The following ARL6IP5 variants were observed in gnomAD, a reference collection of about 807,000 sequenced individuals.
ARL6IP5 encodes the protein PRA1 family protein 3.
A neutral mutation model predicts 13.0 loss-of-function variants in ARL6IP5; 6 were observed. That is an observed-to-expected ratio of 0.46 (90% CI 0.25 to 0.91). The LOEUF is 0.91. ARL6IP5 is among the 40% of genes least tolerant of loss of function. ARL6IP5 has a pLI of 0.17. For missense variants in ARL6IP5, 208 were observed against 248.8 expected (o/e 0.84, Z 1.10); for synonymous variants, 91 against 91.9 (o/e 0.99, Z 0.06).
intron 1 of ARL6IP5, among the ~76,000 whole-genome samples, chr3:69,085,785 GT>G (rs2092245774): frequency 6.6e-6 from 1 of 152,166 alleles, no homozygotes; most frequent in Admixed American, 6.5e-5. Flanking sequence ...CCATTGTGGG[GT>G]AAAGGCTGCC....
At chr3:69,090,271 A>T (rs190026510) in intron 1 of ARL6IP5, among the ~76,000 whole-genome samples, 3 of 152,212 alleles carry the variant, frequency 2.0e-5, no homozygotes, top group African/African-American at 7.2e-5. Flanking sequence ...TGTTTTTGAG[A>T]TTAGTCAGCT....
chr3:69,084,963 G>A lies in ARL6IP5; in HGVS notation c.-85G>A. On this transcript the variant is annotated 5_prime_UTR_variant, in exon 1 of 3. Coordinates refer to ENST00000273258, the MANE Select transcript of ARL6IP5 (RefSeq NM_006407.4). ...CAAAGCCGACCGAGACGGAGCCGCT[G>A]TCAACTCTCCAACTCAGCTCAGCTG... is the stretch of plus-strand genomic sequence containing the variant. 3 of 1,529,518 alleles carry A rather than the reference G, an allele frequency of 2.0e-6. No individual in the cohort carries two copies. The highest frequency in any genetic ancestry group is 1.4e-5 in the African/African-American group (1 of 72,948). 94.7% of individuals were successfully genotyped at this position (1,529,518 alleles called of 1,614,324 possible). A position where few individuals can be genotyped will look rare whatever the true frequency, so the allele number is the denominator to read the frequency against.
chr3:69,089,534 G>C (rs2092258380), intron 1 of ARL6IP5, among the ~76,000 whole-genome samples: 1 of 151,580 alleles, frequency 6.6e-6, no homozygotes, highest in Non-Finnish European at 1.5e-5. Flanking sequence ...GATGGGTATA[G>C]TGGCTCACAC....
intron 2 of ARL6IP5, among the ~76,000 whole-genome samples, chr3:69,103,412 G>T (rs1239581388): frequency 6.6e-6 from 1 of 152,184 alleles, no homozygotes. Context: ...AAGGAGATTA[G>T]ATAAGTGATT....
At chr3:69,092,001 A>G (rs1395973940) in intron 1 of ARL6IP5, among the ~76,000 whole-genome samples, 1 of 152,022 alleles carries the variant, frequency 6.6e-6, no homozygotes, top group Non-Finnish European at 1.5e-5. Flanking sequence ...AACCCTTAAT[A>G]CCATCCTCTG....
At chr3:69,093,760 CAAA>C (rs750066390) in intron 1 of ARL6IP5, among the ~76,000 whole-genome samples, 2 of 71,964 alleles carry the variant, frequency 2.8e-5, no homozygotes, top group South Asian at 3.7e-4. Context: ...GATTCTGTCT[CAAA>C]AAAAAAAAAA....
intron 1 of ARL6IP5, among the ~76,000 whole-genome samples, chr3:69,090,785 C>T (rs902345904): frequency 6.6e-6 from 1 of 152,190 alleles, no homozygotes; most frequent in Non-Finnish European, 1.5e-5. Flanking sequence ...TCCTGCCCTT[C>T]GATGCCCATT....
rs1175278709 is a variant in ARL6IP5 at position 69,104,792 on chromosome 3, T to C, written c.*156T>C. On this transcript the variant is annotated 3_prime_UTR_variant, in exon 3 of 3. Coordinates refer to ENST00000273258, the MANE Select transcript of ARL6IP5 (RefSeq NM_006407.4). Reference sequence around the variant, plus strand: ...GTATAGGCCGAACTATTATCAGCTCTGATGTTTCAGAGAGAAGACCTCAGA... The same window carrying C: ...GTATAGGCCGAACTATTATCAGCTCCGATGTTTCAGAGAGAAGACCTCAGA... 3 of 858,004 alleles carry C rather than the reference T, an allele frequency of 3.5e-6. No homozygotes were observed. Among genetic ancestry groups the C allele is most frequent in the Non-Finnish European group, 5.7e-6 (3 of 527,460 alleles). 53.1% of individuals were successfully genotyped at this position (858,004 alleles called of 1,614,324 possible).
At chr3:69,088,750 G>T (rs750491064) in intron 1 of ARL6IP5, among the ~76,000 whole-genome samples, 23 of 152,192 alleles carry the variant, frequency 1.5e-4, no homozygotes, top group Non-Finnish European at 3.2e-4. Context: ...GTCTAAGATC[G>T]AAGTTGCCAT....
intron 1 of ARL6IP5, among the ~76,000 whole-genome samples, chr3:69,086,784 G>A (rs1003933542): frequency 2.0e-5 from 3 of 149,706 alleles, no homozygotes; most frequent in Non-Finnish European, 4.4e-5. Context: ...GTGCAGTGGC[G>A]TGATCTCGTC....
At chr3:69,104,359 GCTAA>G (rs1164903894) in intron 2 of ARL6IP5, 101 bp from the exon 3 acceptor site, 12 of 1,181,546 alleles carry the variant, frequency 1.0e-5, no homozygotes, top group Admixed American at 4.4e-5. Flanking sequence ...CTGGACTGTG[GCTAA>G]CTAAGGCAGT....
intron 1 of ARL6IP5, among the ~76,000 whole-genome samples, chr3:69,098,491 C>A (rs1402114976): frequency 6.6e-6 from 1 of 151,908 alleles, no homozygotes; most frequent in African/African-American, 2.4e-5. Context: ...GTGATCTGCC[C>A]GCCTCAGCCT....
rs767557247 is a variant in ARL6IP5, at chr3:69,084,995, T to TGCCGCC, written c.-40_-35dup. 60 of 1,585,594 alleles carry TGCCGCC rather than the reference T, an allele frequency of 3.8e-5. No homozygotes were observed. The highest frequency in any genetic ancestry group is 3.4e-5 in the Admixed American group (2 of 58,416). ...CTCCAACTCAGCTCAGCTGATCGGT[T>TGCCGCC]GCCGCCGCCGCCGCCGCCAGATTCT... On this transcript the variant is annotated 5_prime_UTR_variant, in exon 1 of 3. Transcript: ENST00000273258.
intron 1 of ARL6IP5, among the ~76,000 whole-genome samples, chr3:69,100,808 A>G (rs1273683637): frequency 1.3e-5 from 2 of 151,542 alleles, no homozygotes; most frequent in Non-Finnish European, 2.9e-5. Flanking sequence ...AAAGAAAAAC[A>G]GTGATTAATA....
intron 1 of ARL6IP5, 137 bp downstream of exon 1, chr3:69,085,360 C>A: frequency 1.7e-6 from 2 of 1,195,000 alleles, no homozygotes; most frequent in South Asian, 1.6e-5. Context: ...GCGGCCAAGC[C>A]AGTGGAAACT....
intron 1 of ARL6IP5, among the ~76,000 whole-genome samples, chr3:69,085,863 G>A (rs2092246025): frequency 6.6e-6 from 1 of 152,180 alleles, no homozygotes; most frequent in Non-Finnish European, 1.5e-5. Context: ...CACTTTCTCT[G>A]TCTTCGCTTC....
rs1283813626 is a variant in ARL6IP5 at position 69,101,962 on chromosome 3, G to A, written c.300G>A (p.Thr100=). Residue 100 remains threonine (T), a synonymous_variant, in exon 2 of 3, where the codon ACG becomes ACA. Transcript: ENST00000273258. Reference sequence around the variant, plus strand: ...GGATGAAGAAGCGCTACCCCACGACGTTCGTTATGGTGGTCATGTTGGCGA... The same window carrying A: ...GGATGAAGAAGCGCTACCCCACGACATTCGTTATGGTGGTCATGTTGGCGA... ...LRRMKKRYPT[T]FVMVVMLASY... 7.4e-6 allele frequency: 12 copies of A among 1,613,930 alleles called. No homozygotes were observed. The highest frequency in any genetic ancestry group is 6.7e-5 in the African/African-American group (5 of 74,888).
chr3:69,104,385 G>A, intron 2 of ARL6IP5, 79 bp from the exon 3 acceptor site: 1 of 1,416,558 alleles, frequency 7.1e-7, no homozygotes, highest in Non-Finnish European at 9.7e-7. Context: ...TACTAATAGT[G>A]TGAAGAGAGG....
intron 1 of ARL6IP5, 124 bp from the exon 2 acceptor site, chr3:69,101,715 G>A: frequency 1.1e-5 from 9 of 815,068 alleles, no homozygotes; most frequent in Non-Finnish European, 1.8e-5. Context: ...AATCAAATGA[G>A]ACAATTTAGA....
Sources: gnomAD v4.1 joint callset for allele counts (sites outside exome capture counted in the v4.1 genomes callset) on GRCh38, gnomAD v4.1.1 for gene constraint, MANE v1.5 for transcripts, NCBI Gene and HGNC (gene_info 2026-07-23, HGNC 2026-07-21) for gene names.